The following SCN10A variants were observed in gnomAD, a reference collection of about 807,000 sequenced individuals.
SCN10A encodes sodium voltage-gated channel alpha subunit 10, also known as sodium channel protein type 10 subunit alpha.
Under a neutral mutation model 170.7 loss-of-function variants are expected in SCN10A, and 162 were observed. That is an observed-to-expected ratio of 0.95 (90% confidence interval 0.84 to 1.08). The LOEUF is 1.08. SCN10A is among the 50% of genes least tolerant of loss of function. SCN10A has a pLI of 0.00. For synonymous variants in SCN10A, 985 were observed against 904.6 expected, an observed-to-expected ratio of 1.09 and a Z score of -1.59; for missense variants, 2,527 against 2,436.9, an observed-to-expected ratio of 1.04 and a Z score of -0.78.
intron 21 of SCN10A, among the ~76,000 whole-genome samples, chr3:38,715,647 C>G (rs906740413): frequency 6.6e-6 from 1 of 152,160 alleles, no homozygotes; most frequent in African/African-American, 2.4e-5. Context: ...TTTCTATGCC[C>G]CACATCTAAT....
chr3:38,771,152 A>G (rs2063994358), intron 5 of SCN10A, 127 bp downstream of exon 5: 2 of 1,011,272 alleles, frequency 2.0e-6, no homozygotes, highest in Non-Finnish European at 2.9e-6. Context: ...TGGTTCTTGG[A>G]GCAAACGTTC....
rs150773437 is a variant in SCN10A, at chr3:38,718,792, G to T, written c.3542C>A (p.Thr1181Lys). 4 of 1,614,184 alleles carry T rather than the reference G, an allele frequency of 2.5e-6. No homozygotes were observed. The highest frequency in any genetic ancestry group is 3.3e-5 in the Admixed American group (2 of 60,026). ...FEDYYLDQKP[T>K]VKALLEYTDR... ...AGTGTACTCCAGCAAAGCTTTCACCGTGGGCTTCTGGTCCAGGTAATAGTC... is the reference window on the plus strand; with the variant it reads ...AGTGTACTCCAGCAAAGCTTTCACCTTGGGCTTCTGGTCCAGGTAATAGTC... The change falls in exon 21 of 28, where the codon ACG becomes AAG. Residue 1181 changes from threonine (T) to lysine (K), a missense_variant. Physicochemically the swap from Thr to Lys is moderately conservative, Grantham distance 78. Coordinates refer to ENST00000449082, the MANE Select transcript of SCN10A (RefSeq NM_006514.4).
In SCN10A at chr3:38,707,399, C is replaced by A. The variant is rs376080236; in HGVS notation, c.4282-16G>T. ...GGCCCCCTAAGTGCAGAGAGGGCCA[C>A]ACTGTTACTAAAGCAAGAGGAACCC... is the stretch of plus-strand genomic sequence containing the variant. On this transcript the variant is annotated splice_polypyrimidine_tract_variant and intron_variant, in intron 25 of 27. Coordinates refer to ENST00000449082, the MANE Select transcript of SCN10A (RefSeq NM_006514.4). 1.9e-6 allele frequency: 3 copies of A among 1,611,826 alleles called. No homozygotes were observed. The highest frequency in any genetic ancestry group is 2.7e-5 in the African/African-American group (2 of 74,896).
chr3:38,756,933 G>A, intron 9 of SCN10A, 62 bp from the exon 10 acceptor site: 1 of 1,607,414 alleles, frequency 6.2e-7, no homozygotes, highest in Non-Finnish European at 8.5e-7. Context: ...CTGAATTTAA[G>A]TCAGCCTCCT....
At chr3:38,727,936 T>C (rs1040742385) in intron 16 of SCN10A, among the ~76,000 whole-genome samples, 1 of 152,136 alleles carries the variant, frequency 6.6e-6, no homozygotes, top group Admixed American at 6.5e-5. Context: ...ATTTTGTTAT[T>C]ATTTCTGTGG....
rs560233324 is a variant in SCN10A, at chr3:38,727,748, C to A, written c.2641-696G>T. ...GATGTCCAGGGCAATAAGAAAGGGG[C>A]TTCTGGAAGACTGCATCCTCCCACA... On this transcript the variant is annotated intron_variant, in intron 16 of 27. Coordinates refer to ENST00000449082, the MANE Select transcript of SCN10A (RefSeq NM_006514.4). 2.0e-5 allele frequency among the ~76,000 whole-genome samples: 3 copies of A among 152,120 alleles called. No homozygotes were observed. The South Asian group carries it at 6.2e-4, about 31-fold the overall frequency.
In SCN10A at chr3:38,795,633, C is replaced by T. The variant is rs928374027; in HGVS notation, c.-32-1591G>A. On this transcript the variant is annotated intron_variant, in intron 1 of 27. Coordinates refer to ENST00000449082, the MANE Select transcript of SCN10A (RefSeq NM_006514.4). Reference sequence around the variant, plus strand: ...TTAAAATACTGTATATTTTGGCTACCATGACACTCTCTTGGTTTTCCTAAC... The same window carrying T: ...TTAAAATACTGTATATTTTGGCTACTATGACACTCTCTTGGTTTTCCTAAC... Among the ~76,000 whole-genome samples the T allele has an allele frequency of 2.0e-5, 3 of 152,030 alleles. No homozygotes were observed. In the South Asian group the frequency reaches 6.2e-4, roughly 32 times the overall value.
At position 38,704,668 on chromosome 3, in the gene SCN10A, T is replaced by G. The variant is rs1028455700; in HGVS notation, c.4387-2559A>C. 6.6e-5 allele frequency among the ~76,000 whole-genome samples: 10 copies of G among 152,332 alleles called. No individual in the cohort carries two copies. The South Asian group carries it at 1.5e-3, about 22-fold the overall frequency. The stretch of plus-strand genomic sequence containing the variant: ...AATGTTAAAGAATAAAATTTCCCAG[T>G]CTTGTGGAATCCTTAACTTTTCCTA... On this transcript the variant is annotated intron_variant, in intron 26 of 27. Transcript: ENST00000449082.
In SCN10A at chr3:38,761,218, G is replaced by C. The variant is rs147150438; in HGVS notation, c.857C>G (p.Thr286Arg). 1.2e-6 allele frequency: 2 copies of C among 1,607,646 alleles called. No individual in the cohort carries two copies. The highest frequency in any genetic ancestry group is 1.7e-6 in the Non-Finnish European group (2 of 1,175,564). The stretch of plus-strand genomic sequence containing the variant: ...TTTTCTGTGAGATGAGTAGTTGGTT[G>C]TCTCATTGACAGCCATGTCATTCTT... ...CVKNDMAVNE[T>R]TNYSSHRKPD... The change falls in exon 7 of 28, where the codon ACA becomes AGA. Residue 286 changes from threonine to arginine, a missense_variant. By Grantham distance (71) the Thr-to-Arg change is moderately conservative. Coordinates refer to ENST00000449082, the MANE Select transcript of SCN10A (RefSeq NM_006514.4).
intron 27 of SCN10A, among the ~76,000 whole-genome samples, chr3:38,701,425 C>T (rs1314628566): frequency 6.6e-6 from 1 of 152,186 alleles, no homozygotes; most frequent in Non-Finnish European, 1.5e-5. Context: ...AATCCATCTC[C>T]TTTTCCAGAA....
At chr3:38,746,063 GTATATATATATATATATATATA>G (rs1553619550) in intron 13 of SCN10A, among the ~76,000 whole-genome samples, 2 of 61,626 alleles carry the variant, frequency 3.2e-5, no homozygotes. Context: ...GTGTGTATGT[GTATATATATATATATATATATA>G]TATATATATA....
intron 1 of SCN10A, among the ~76,000 whole-genome samples, chr3:38,799,422 T>C (rs1399706882): frequency 6.6e-6 from 1 of 152,220 alleles, no homozygotes; most frequent in African/African-American, 2.4e-5. Flanking sequence ...CTGGGAAAAA[T>C]AATGTAGGTA....
intron 4 of SCN10A, among the ~76,000 whole-genome samples, chr3:38,781,644 T>G (rs2064140708): frequency 6.6e-6 from 1 of 152,126 alleles, no homozygotes; most frequent in Non-Finnish European, 1.5e-5. Context: ...GTTCATTGAA[T>G]CCCAAAGCAT....
intron 17 of SCN10A, 66 bp downstream of exon 17, chr3:38,726,540 C>T (rs1342606271): frequency 7.5e-7 from 1 of 1,327,794 alleles, no homozygotes; most frequent in Non-Finnish European, 1.0e-6. Context: ...CCCTTTTGCC[C>T]TTTGTCACTC....
chr3:38,789,928 T>A (rs2064258893), intron 3 of SCN10A, among the ~76,000 whole-genome samples: 1 of 152,160 alleles, frequency 6.6e-6, no homozygotes, highest in Non-Finnish European at 1.5e-5. Context: ...AACTTGAAGA[T>A]AAACTTGACC....
intron 14 of SCN10A, among the ~76,000 whole-genome samples, chr3:38,741,352 G>T (rs1293278370): frequency 6.6e-6 from 1 of 151,942 alleles, no homozygotes; most frequent in African/African-American, 2.4e-5. Flanking sequence ...CTTAATTCAG[G>T]GGTTAAGAAA....
At chr3:38,788,055 T>C (rs774414609) in intron 4 of SCN10A, among the ~76,000 whole-genome samples, 5 of 151,944 alleles carry the variant, frequency 3.3e-5, no homozygotes, top group Admixed American at 6.6e-5. Context: ...TTTATTCCCT[T>C]CTATTTCAAC....
At chr3:38,774,364 T>C (rs765997845) in intron 4 of SCN10A, among the ~76,000 whole-genome samples, 4 of 152,210 alleles carry the variant, frequency 2.6e-5, no homozygotes, top group Admixed American at 6.5e-5. Context: ...TTTTCAGTGC[T>C]TCACCAGAAG....
At chr3:38,774,135 C>T (rs368335170) in intron 4 of SCN10A, among the ~76,000 whole-genome samples, 4 of 151,948 alleles carry the variant, frequency 2.6e-5, no homozygotes, top group Admixed American at 2.0e-4. Context: ...GAGGAGAAAT[C>T]GTGTTTGAAA....
Sources: gnomAD v4.1 joint callset for allele counts (sites outside exome capture counted in the v4.1 genomes callset) on GRCh38, gnomAD v4.1.1 for gene constraint, MANE v1.5 for transcripts, NCBI Gene and HGNC (gene_info 2026-07-23, HGNC 2026-07-21) for gene names.